TCF7L2: variants seen among roughly 807,000 people sequenced by gnomAD.
TCF7L2 encodes the protein transcription factor 7 like 2, also known as transcription factor 7-like 2.
A neutral mutation model predicts 77.9 loss-of-function variants in TCF7L2; 23 were observed. The ratio of observed to expected loss-of-function variants is 0.30; its 90% confidence interval spans 0.21 to 0.42. The LOEUF (loss-of-function observed/expected upper bound fraction) is 0.42, where lower values mean the gene tolerates loss of function less well. Ranked by LOEUF, TCF7L2 falls within the 10% of genes least tolerant of loss-of-function variation. The pLI is 1.00. For missense variants in TCF7L2, 654 were observed against 793.1 expected (o/e 0.82, Z 2.11); for synonymous variants, 413 against 340.2 (o/e 1.21, Z -2.36).
At chr10:112,983,572 C>T (rs1390630690) in intron 4 of TCF7L2, among the ~76,000 whole-genome samples, 2 of 152,178 alleles carry the variant, frequency 1.3e-5, no homozygotes, top group African/African-American at 2.4e-5. Context: ...TATTAACACT[C>T]CTTTCTTTCT....
intron 4 of TCF7L2, among the ~76,000 whole-genome samples, chr10:112,968,879 A>G (rs2037609958): frequency 6.6e-6 from 1 of 152,102 alleles, no homozygotes. Context: ...GGCCTGACCT[A>G]TACTCGGCTT....
intron 13 of TCF7L2, among the ~76,000 whole-genome samples, chr10:113,162,428 C>G (rs1401264348): frequency 3.3e-5 from 5 of 152,062 alleles, no homozygotes; most frequent in Non-Finnish European, 7.4e-5. Flanking sequence ...ATGCATCCCC[C>G]ATTTGGGCAT....
intron 13 of TCF7L2, chr10:113,161,388 C>G: frequency 3.3e-6 from 2 of 613,530 alleles, no homozygotes; most frequent in East Asian, 5.5e-5. Context: ...CAAAAGGAAT[C>G]AGAACAGCCC....
chr10:113,166,073 T>G lies in TCF7L2; in HGVS notation c.*101T>G. 6.1e-6 allele frequency: 7 copies of G among 1,154,858 alleles called. No individual in the cohort carries two copies. Among genetic ancestry groups the G allele is most frequent in the Non-Finnish European group, 8.0e-6 (7 of 870,470 alleles). 71.5% of individuals were successfully genotyped at this position (1,154,858 alleles called of 1,614,324 possible). A position where few individuals can be genotyped will look rare whatever the true frequency, so the allele number is the denominator to read the frequency against. Reference sequence around the variant, plus strand: ...TGAAAGGTTTTGTTTTGTACTCTCTTAATTTTGTGCCATGTGGCTACATTA... The same window carrying G: ...TGAAAGGTTTTGTTTTGTACTCTCTGAATTTTGTGCCATGTGGCTACATTA... On this transcript the variant is annotated 3_prime_UTR_variant, in exon 14 of 14. Transcript: ENST00000627217.
At chr10:113,161,046 C>A (rs2073088091) in intron 13 of TCF7L2, among the ~76,000 whole-genome samples, 1 of 152,208 alleles carries the variant, frequency 6.6e-6, no homozygotes, top group Non-Finnish European at 1.5e-5. Flanking sequence ...AGAGAGCCAC[C>A]ATTTCCAAAG....
At chr10:113,074,452 A>G (rs991972403) in intron 5 of TCF7L2, among the ~76,000 whole-genome samples, 1 of 152,202 alleles carries the variant, frequency 6.6e-6, no homozygotes, top group Non-Finnish European at 1.5e-5. Flanking sequence ...GCTAATGTCA[A>G]TTAGCAACAT....
At chr10:113,141,155 G>C (rs1006194987) in intron 5 of TCF7L2, 29 bp from the exon 6 acceptor site, 3 of 1,611,862 alleles carry the variant, frequency 1.9e-6, no homozygotes, top group Non-Finnish European at 2.5e-6. Context: ...CCGGCTTGAC[G>C]GTGTCTTTCT....
intron 5 of TCF7L2, chr10:113,130,058 A>G: frequency 9.5e-7 from 1 of 1,051,836 alleles, no homozygotes; most frequent in Non-Finnish European, 1.2e-6. Context: ...TATGGTATTG[A>G]CCATTAAACC....
rs985181049 is a variant in TCF7L2 at position 113,152,081 on chromosome 10, A to G, written c.1161+197A>G. On this transcript the variant is annotated intron_variant, in intron 10 of 13. Coordinates refer to ENST00000627217, the MANE Select transcript of TCF7L2 (RefSeq NM_001146274.2). ...CTCAGCGTTCAGAACAGCCACAGCC[A>G]TGCTCTTCCCCTACCCGAGCGAGTG... Among the ~76,000 whole-genome samples the G allele has an allele frequency of 3.3e-5, 5 of 152,314 alleles. 1 individual carries two copies. Among genetic ancestry groups the G allele is most frequent in the Admixed American group, 2.6e-4 (4 of 15,290 alleles).
chr10:112,984,787 G>A (rs1188079860), intron 4 of TCF7L2, among the ~76,000 whole-genome samples: 1 of 152,156 alleles, frequency 6.6e-6, no homozygotes, highest in Non-Finnish European at 1.5e-5. Context: ...GGTTCTCTGG[G>A]TCTTGGTTTG....
intron 5 of TCF7L2, among the ~76,000 whole-genome samples, chr10:113,123,861 C>A (rs1414574305): frequency 6.6e-6 from 1 of 152,272 alleles, no homozygotes; most frequent in East Asian, 1.9e-4. Flanking sequence ...ATCCTCTTAA[C>A]CGATTTTGTC....
intron 5 of TCF7L2, among the ~76,000 whole-genome samples, chr10:113,121,576 G>A (rs2064783142): frequency 1.3e-5 from 2 of 152,114 alleles, no homozygotes; most frequent in South Asian, 2.1e-4. Context: ...AACATTGGGG[G>A]GTGAATGGGA....
chr10:113,012,719 C>T (rs993481955), intron 4 of TCF7L2, among the ~76,000 whole-genome samples: 1 of 152,142 alleles, frequency 6.6e-6, no homozygotes, highest in African/African-American at 2.4e-5. Flanking sequence ...CTGGCTAAAC[C>T]ATTCATTTCT....
At chr10:113,083,349 T>G (rs891485513) in intron 5 of TCF7L2, among the ~76,000 whole-genome samples, 1 of 150,012 alleles carries the variant, frequency 6.7e-6, no homozygotes, top group Non-Finnish European at 1.5e-5. Context: ...CACTCACACA[T>G]GCTCACATTA....
intron 5 of TCF7L2, among the ~76,000 whole-genome samples, chr10:113,075,338 A>T (rs2058568752): frequency 6.6e-6 from 1 of 152,136 alleles, no homozygotes; most frequent in Non-Finnish European, 1.5e-5. Flanking sequence ...GGGCACCTGT[A>T]ATCCGAGCTC....
chr10:112,974,679 A>G (rs2039026093), intron 4 of TCF7L2, among the ~76,000 whole-genome samples: 1 of 151,990 alleles, frequency 6.6e-6, no homozygotes, highest in Non-Finnish European at 1.5e-5. Context: ...TCCTGACCTC[A>G]TGATCCACCC....
intron 5 of TCF7L2, among the ~76,000 whole-genome samples, chr10:113,104,377 T>C: frequency 6.6e-6 from 1 of 152,206 alleles, no homozygotes; most frequent in East Asian, 1.9e-4. Flanking sequence ...ATTCTTCTCA[T>C]AGCCAGAGGC....
intron 5 of TCF7L2, among the ~76,000 whole-genome samples, chr10:113,055,808 T>G (rs2055273758): frequency 1.3e-5 from 2 of 152,256 alleles, no homozygotes; most frequent in South Asian, 4.1e-4. Context: ...TGTATTTTCC[T>G]CTGTGCTTTT....
At chr10:113,088,591 C>A (rs1169700560) in intron 5 of TCF7L2, among the ~76,000 whole-genome samples, 1 of 152,076 alleles carries the variant, frequency 6.6e-6, no homozygotes, top group African/African-American at 2.4e-5. Flanking sequence ...TTCAAGGGGT[C>A]CAGAATTGGT....
Sources: allele counts gnomAD v4.1 joint callset (sites outside exome capture counted in the v4.1 genomes callset), GRCh38; gene constraint gnomAD v4.1.1; transcripts MANE v1.5; gene names NCBI Gene and HGNC (gene_info 2026-07-23, HGNC 2026-07-21).